NRCAM: variants seen among roughly 807,000 people sequenced by gnomAD.
NRCAM encodes neuronal cell adhesion molecule.
In NRCAM, 83 loss-of-function variants were observed where a neutral mutation model predicts 156.5. That is an observed-to-expected ratio of 0.53 (90% CI 0.44 to 0.64). NRCAM has a LOEUF of 0.64. Ranked by LOEUF, NRCAM falls within the 30% of genes least tolerant of loss-of-function variation. NRCAM has a pLI of 0.00. For missense variants in NRCAM, 1,417 were observed against 1,597.3 expected, an observed-to-expected ratio of 0.89 and a Z score of 1.92; for synonymous variants, 538 against 563.9, an observed-to-expected ratio of 0.95 and a Z score of 0.65.
rs76113341 is a variant in NRCAM, at chr7:108,437,883, T to C, written c.-332+18360A>G. On this transcript the variant is annotated intron_variant, in intron 1 of 32. Coordinates refer to ENST00000379028, the MANE Select transcript of NRCAM (RefSeq NM_001037132.4). ...CTTTTATATTTTATTAGAATTAAGT[T>C]AGTATTATTCTGAAGTAAAGTAAAA... 8.8e-3 allele frequency among the ~76,000 whole-genome samples: 1,342 copies of C among 152,084 alleles called. 14 individuals are homozygous for C. The highest frequency in any genetic ancestry group is 0.03 in the African/African-American group (1,261 of 41,526).
chr7:108,390,338 C>A (rs930603922), intron 2 of NRCAM, among the ~76,000 whole-genome samples: 1 of 152,006 alleles, frequency 6.6e-6, no homozygotes, highest in Admixed American at 6.6e-5. Context: ...AGTTTATTTG[C>A]GTAGAGGTGT....
chr7:108,190,991 G>C (rs995511081), intron 19 of NRCAM, among the ~76,000 whole-genome samples: 1 of 152,202 alleles, frequency 6.6e-6, no homozygotes, highest in Non-Finnish European at 1.5e-5. Flanking sequence ...TTGCATCAAA[G>C]AGGGACTTTT....
chr7:108,442,425 G>A (rs750805113), intron 1 of NRCAM, among the ~76,000 whole-genome samples: 7 of 152,212 alleles, frequency 4.6e-5, no homozygotes, highest in Non-Finnish European at 1.0e-4. Context: ...ACGATGACCA[G>A]AGCAGGTGCA....
chr7:108,455,691 C>G (rs1343291560), intron 1 of NRCAM, among the ~76,000 whole-genome samples: 1 of 152,222 alleles, frequency 6.6e-6, no homozygotes, highest in East Asian at 1.9e-4. Context: ...CAGGTGTACG[C>G]ACTTCCGAAC....
intron 1 of NRCAM, among the ~76,000 whole-genome samples, chr7:108,400,085 A>G (rs1246308009): frequency 2.6e-5 from 4 of 152,204 alleles, no homozygotes; most frequent in Non-Finnish European, 5.9e-5. Context: ...TGCAATTAGT[A>G]TTTTAGAGGT....
At chr7:108,189,801 C>A in intron 19 of NRCAM, 55 bp from the exon 20 acceptor site, 2 of 730,390 alleles carry the variant, frequency 2.7e-6, no homozygotes, top group East Asian at 2.6e-5. Flanking sequence ...AAGAGGCTCT[C>A]CTTTACTCGT....
intron 2 of NRCAM, among the ~76,000 whole-genome samples, chr7:108,313,751 T>C (rs1221104294): frequency 6.6e-6 from 1 of 152,166 alleles, no homozygotes; most frequent in Non-Finnish European, 1.5e-5. Context: ...AGGTTTGTGA[T>C]TTTTCCTTAG....
Position 108,194,266 on chromosome 7 carries a change from G to C in NRCAM, c.1626C>G (p.Ile542Met). 10 of 1,611,492 alleles carry C rather than the reference G, an allele frequency of 6.2e-6. No individual in the cohort carries two copies. Among genetic ancestry groups the C allele is most frequent in the Non-Finnish European group, 8.5e-6 (10 of 1,178,062 alleles). The change falls in exon 16 of 33, where the codon ATC (isoleucine) becomes ATG (methionine). Residue 542 changes from isoleucine to methionine, a missense_variant. Transcript: ENST00000379028. ...AACACATTACCTCTGCCTTACCTTT[G>C]ATTTCTAAGTGAACTTCATTCTTCG... ...GMAKNEVHLE[I>M]KDPTWIVKQP...
Position 108,215,119 on chromosome 7 carries a change from T to C in NRCAM, c.891-5514A>G, listed in dbSNP as rs186314186. 6.3e-3 allele frequency among the ~76,000 whole-genome samples: 953 copies of C among 152,254 alleles called. 6 individuals are homozygous for C. Among genetic ancestry groups the C allele is most frequent in the Non-Finnish European group, 0.011 (747 of 68,020 alleles). On this transcript the variant is annotated intron_variant, in intron 11 of 32. Transcript: ENST00000379028. ...GTAGATGTCTATCAGGTCTGCTTGG[T>C]CCAGAGCTGAGTTCAAGTCCTAAAT...
rs909124448 is a variant in NRCAM at position 108,278,467 on chromosome 7, G to A, written c.-107+34198C>T. ...CAGCTACTCAAGCCTCAGCAACGGC[G>A]GACGCCCCTCCCCGCACCAAGCTCC... On this transcript the variant is annotated intron_variant, in intron 3 of 32. Transcript: ENST00000379028. Among the ~76,000 whole-genome samples, 12 of 152,250 alleles carry A rather than the reference G, an allele frequency of 7.9e-5. No individual in the cohort carries two copies. In the East Asian group the frequency reaches 1.2e-3, roughly 15 times the overall value.
At chr7:108,352,143 T>A (rs562991377) in intron 2 of NRCAM, among the ~76,000 whole-genome samples, 1 of 152,312 alleles carries the variant, frequency 6.6e-6, no homozygotes, top group East Asian at 1.9e-4. Context: ...TGAGATGACT[T>A]ATTTCTACAC....
At chr7:108,176,875 G>C in intron 26 of NRCAM, 1 of 226,500 alleles carries the variant, frequency 4.4e-6, no homozygotes, top group Non-Finnish European at 8.5e-6. Context: ...TGTTGTGGTT[G>C]AATCACAATA....
At chr7:108,250,425 C>CAAAAAAAAA (rs34274206) in intron 3 of NRCAM, among the ~76,000 whole-genome samples, 43 of 67,366 alleles carry the variant, frequency 6.4e-4, no homozygotes, top group East Asian at 1.8e-3. Context: ...CATCTTACCT[C>CAAAAAAAAA]AAAAAAAAAA....
intron 32 of NRCAM, among the ~76,000 whole-genome samples, chr7:108,154,183 TATTAAG>T (rs2043425170): frequency 6.6e-6 from 1 of 152,172 alleles, no homozygotes. Context: ...AAACCTATAT[TATTAAG>T]ACATTATAGT....
At position 108,150,030 on chromosome 7, in the gene NRCAM, C is replaced by G. The variant is rs756031318; in HGVS notation, c.3795G>C (p.Gln1265His). 1 of 1,614,094 alleles carries G rather than the reference C, an allele frequency of 6.2e-7. No individual in the cohort carries two copies. The highest frequency in any genetic ancestry group is 1.1e-5 in the South Asian group (1 of 91,072). The change falls in exon 33 of 33, where the codon CAG (glutamine) becomes CAC (histidine). Residue 1265 changes from glutamine to histidine, a missense_variant. Physicochemically the swap from Gln to His is conservative, Grantham distance 24 (BLOSUM62 0). Around this residue, in one of 2 missense-constraint regions of NRCAM, gnomAD observed 179 missense variants for 260.9 expected, o/e 0.69. Transcript: ENST00000379028. ...LVDYGEGVNGQFNEDGSFIGQ... is the reference protein window; with the variant it reads ...LVDYGEGVNGHFNEDGSFIGQ... ...CAATAAAGGAGCCATCCTCATTGAACTGGCCATTAACCCCTTCTCCATAGT... is the reference window on the plus strand; with the variant it reads ...CAATAAAGGAGCCATCCTCATTGAAGTGGCCATTAACCCCTTCTCCATAGT...
chr7:108,276,695 C>G (rs536697624), intron 3 of NRCAM, among the ~76,000 whole-genome samples: 8 of 152,142 alleles, frequency 5.3e-5, no homozygotes, highest in African/African-American at 1.4e-4. Flanking sequence ...ATCTAATTTG[C>G]CAGTCTGTGT....
At chr7:108,156,932 G>T (rs772041482) in intron 32 of NRCAM, among the ~76,000 whole-genome samples, 1 of 151,960 alleles carries the variant, frequency 6.6e-6, no homozygotes, top group African/African-American at 2.4e-5. Flanking sequence ...ACACTTTTTG[G>T]ATTTCTTCAA....
intron 2 of NRCAM, among the ~76,000 whole-genome samples, chr7:108,357,522 G>A (rs2099513800): frequency 6.6e-6 from 1 of 151,992 alleles, no homozygotes; most frequent in African/African-American, 2.4e-5. Context: ...GTAGAGACAA[G>A]GTTTCACCAC....
At chr7:108,432,901 G>C (rs1392435268) in intron 1 of NRCAM, among the ~76,000 whole-genome samples, 1 of 151,212 alleles carries the variant, frequency 6.6e-6, no homozygotes, top group Non-Finnish European at 1.5e-5. Flanking sequence ...AAAAGAAAGA[G>C]AGAGAGAGAG....
Sources: gnomAD v4.1 joint callset for allele counts (sites outside exome capture counted in the v4.1 genomes callset) on GRCh38, gnomAD v4.1.1 for gene constraint, gnomAD v4.1.1 regional missense constraint, MANE v1.5 for transcripts, NCBI Gene and HGNC (gene_info 2026-07-23, HGNC 2026-07-21) for gene names.